NRDE2: variants seen among roughly 807,000 people sequenced by gnomAD.
NRDE2 encodes the protein NRDE-2, necessary for RNA interference, domain containing, also known as nuclear exosome regulator NRDE2.
Under a neutral mutation model 124.2 loss-of-function variants are expected in NRDE2, and 76 were observed. The observed-to-expected ratio is 0.61, with a 90% CI of 0.51 to 0.74. NRDE2 has a LOEUF of 0.74. NRDE2 is among the 30% of genes least tolerant of loss of function. The pLI is 0.00. For synonymous variants in NRDE2, 489 were observed against 528.1 expected (o/e 0.93, Z 1.01); for missense variants, 1,314 against 1,417.3 (o/e 0.93, Z 1.17).
In NRDE2 at chr14:90,321,146, T is replaced by G. The variant is rs115848925; in HGVS notation, c.65-3033A>C. 7.4e-3 allele frequency among the ~76,000 whole-genome samples: 1,132 copies of G among 152,290 alleles called. 17 individuals are homozygous for G. The highest frequency in any genetic ancestry group is 0.026 in the African/African-American group (1,065 of 41,558). On this transcript the variant is annotated intron_variant, in intron 1 of 13. Coordinates refer to ENST00000354366, the MANE Select transcript of NRDE2 (RefSeq NM_017970.4). ...ATTTCTATATAAATATTCTAGATAG[T>G]GATGACAGCTGGAAGAAAATGTAAA...
rs144111170 is a variant in NRDE2 at position 90,274,787 on chromosome 14, TACACACACACACACACACACACACACAC to T, written c.*3521_*3548del. 0.22 allele frequency: 24,409 copies of T among 110,958 alleles called. 2,131 individuals are homozygous for T. Among genetic ancestry groups the T allele is most frequent in the South Asian group, 0.27 (896 of 3,288 alleles). The allele number at this position is 110,958 out of a possible 1,614,324, so 6.9% of individuals were successfully genotyped here. On this transcript the variant is annotated 3_prime_UTR_variant, in exon 14 of 14. Transcript: ENST00000354366. ...CAGTATAGCCCTTTAAATAGGGAAC[TACACACACACACACACACACACACACAC>T]ACACACACACACACACACACACACC...
chr14:90,283,086 G>A lies in NRDE2; in HGVS notation c.3297+3268C>T, dbSNP rs547274017. On this transcript the variant is annotated intron_variant, in intron 12 of 13. Coordinates refer to ENST00000354366, the MANE Select transcript of NRDE2 (RefSeq NM_017970.4). ...AGCCTTAGCCTTCCCCCCGGCCTGC[G>A]AGGCTCCCTTCTCCCGCCTCTTCAG... 1.9e-4 allele frequency among the ~76,000 whole-genome samples: 29 copies of A among 152,216 alleles called. 1 individual carries two copies. The South Asian group carries it at 2.3e-3, about 12-fold the overall frequency.
intron 1 of NRDE2, among the ~76,000 whole-genome samples, chr14:90,328,962 T>A (rs1885561113): frequency 6.6e-6 from 1 of 152,214 alleles, no homozygotes; most frequent in Non-Finnish European, 1.5e-5. Flanking sequence ...TTTTGAAACA[T>A]CTCGTGAAAT....
chr14:90,268,106 C>A lies in NRDE2; in HGVS notation c.*10230G>T. On this transcript the variant is annotated 3_prime_UTR_variant, in exon 14 of 14. Transcript: ENST00000354366. ...CGTGACACTTGAATTGGTGCCATGC[C>A]TTAGCATGAGGGCCCGCCTGTTTTT... 2 of 761,068 alleles carry A rather than the reference C, an allele frequency of 2.6e-6. No individual in the cohort carries two copies. Among genetic ancestry groups the A allele is most frequent in the Non-Finnish European group, 4.1e-6 (2 of 487,916 alleles). The allele number at this position is 761,068 out of a possible 1,614,324, so 47.1% of individuals were successfully genotyped here. A position where few individuals can be genotyped will look rare whatever the true frequency, so the allele number is the denominator to read the frequency against.
In NRDE2 at chr14:90,278,162, A is replaced by G; in HGVS notation, c.*174T>C. ...TATGTAAATAACTTTTGTGTCATTT[A>G]CACACCCAAAAAGTGTGCAAGATGT... On this transcript the variant is annotated 3_prime_UTR_variant, in exon 14 of 14. Transcript: ENST00000354366. The G allele has an allele frequency of 1.5e-6, 1 of 655,750 alleles. No individual in the cohort carries two copies. The highest frequency in any genetic ancestry group is 2.6e-6 in the Non-Finnish European group (1 of 387,884). 40.6% of individuals were successfully genotyped at this position (655,750 alleles called of 1,614,324 possible).
Position 90,268,397 on chromosome 14 carries a change from G to T in NRDE2, c.*9939C>A, listed in dbSNP as rs148097391. Reference sequence around the variant, plus strand: ...CATCGTGTTTATTGATGAAATTGACGCCATTGGGACAAAAAGGTAGACTTT... The same window carrying T: ...CATCGTGTTTATTGATGAAATTGACTCCATTGGGACAAAAAGGTAGACTTT... On this transcript the variant is annotated 3_prime_UTR_variant, in exon 14 of 14. Transcript: ENST00000354366. The T allele has an allele frequency of 4.3e-6, 7 of 1,613,048 alleles. No individual in the cohort carries two copies. Among genetic ancestry groups the T allele is most frequent in the Non-Finnish European group, 5.9e-6 (7 of 1,179,720 alleles).
intron 7 of NRDE2, among the ~76,000 whole-genome samples, chr14:90,300,932 ACAGGCAGG>A (rs1177031981): frequency 1.6e-5 from 2 of 125,304 alleles, no homozygotes; most frequent in South Asian, 2.8e-4. Flanking sequence ...AAGGAGGAAC[ACAGGCAGG>A]CAGGCAGGCA....
In NRDE2 at chr14:90,288,923, A is replaced by G. The variant is rs1595058744; in HGVS notation, c.2452T>C (p.Ser818Pro). The G allele has an allele frequency of 6.2e-7, 1 of 1,613,236 alleles. No homozygotes were observed. Among genetic ancestry groups the G allele is most frequent in the Non-Finnish European group, 8.5e-7 (1 of 1,179,206 alleles). The change falls in exon 11 of 14, where the codon TCT becomes CCT. Residue 818 changes from serine (S) to proline (P), a missense_variant. Transcript: ENST00000354366. ...GMAGSRELKD[S>P]DLCELSLLYA... ...AGCAGACTGAGCTCACAGAGGTCAG[A>G]GTCTTTCAGTTCTCTGCTTCCTGCC...
chr14:90,309,472 C>CAAAA (rs746289824), intron 4 of NRDE2, among the ~76,000 whole-genome samples: 1 of 110,756 alleles, frequency 9.0e-6, no homozygotes, highest in Non-Finnish European at 1.8e-5. Flanking sequence ...GACTCTGTCT[C>CAAAA]AAAAAAAAAA....
At chr14:90,278,500 A>G (rs1185933558) in intron 13 of NRDE2, 39 bp from the exon 14 acceptor site, 1 of 1,609,894 alleles carries the variant, frequency 6.2e-7, no homozygotes, top group Admixed American at 1.7e-5. Context: ...CTCAGCCGCC[A>G]CTTCCTGTCA....
intron 8 of NRDE2, among the ~76,000 whole-genome samples, chr14:90,295,089 C>A (rs1884094882): frequency 6.6e-6 from 1 of 152,082 alleles, no homozygotes; most frequent in South Asian, 2.1e-4. Flanking sequence ...ACACACACAC[C>A]AATGAGTGCA....
chr14:90,326,868 A>C (rs1055503648), intron 1 of NRDE2, among the ~76,000 whole-genome samples: 1 of 152,200 alleles, frequency 6.6e-6, no homozygotes, highest in African/African-American at 2.4e-5. Flanking sequence ...CATGTCCTTA[A>C]AACAAATAGA....
chr14:90,308,319 C>T (rs1277319862), intron 4 of NRDE2, among the ~76,000 whole-genome samples: 1 of 152,206 alleles, frequency 6.6e-6, no homozygotes, highest in African/African-American at 2.4e-5. Flanking sequence ...AACCTAACCC[C>T]TGCCTACCAC....
At chr14:90,279,034 T>C (rs749337326) in intron 13 of NRDE2, 28 bp downstream of exon 13, 18 of 1,552,288 alleles carry the variant, frequency 1.2e-5, no homozygotes, top group Non-Finnish European at 1.6e-5. Flanking sequence ...TTCGGGAAGC[T>C]GAAGACACCA....
intron 1 of NRDE2, among the ~76,000 whole-genome samples, chr14:90,328,075 G>C (rs908958247): frequency 6.6e-6 from 1 of 151,672 alleles, no homozygotes; most frequent in African/African-American, 2.4e-5. Context: ...CCCGGGAGGC[G>C]GAGCTTGCAG....
intron 8 of NRDE2, among the ~76,000 whole-genome samples, chr14:90,297,094 G>A (rs965390146): frequency 5.4e-5 from 8 of 147,698 alleles, no homozygotes; most frequent in East Asian, 2.0e-4. Flanking sequence ...AGCCAAGATC[G>A]AGCCACTACA....
intron 1 of NRDE2, among the ~76,000 whole-genome samples, chr14:90,323,309 A>G (rs77339761): frequency 6.6e-6 from 1 of 152,342 alleles, no homozygotes; most frequent in Non-Finnish European, 1.5e-5. Flanking sequence ...CTTTAATTTA[A>G]TTCTATTACA....
chr14:90,282,809 A>G (rs879488893), intron 12 of NRDE2, among the ~76,000 whole-genome samples: 18 of 152,232 alleles, frequency 1.2e-4, no homozygotes, highest in Admixed American at 8.5e-4. Context: ...CTGGGATTAC[A>G]GACATGTGCC....
At position 90,278,447 on chromosome 14, in the gene NRDE2, G is replaced by A. The variant is rs771452952; in HGVS notation, c.3384C>T (p.Asp1128=). 197 of 1,613,906 alleles carry A rather than the reference G, an allele frequency of 1.2e-4. No individual in the cohort carries two copies. The highest frequency in any genetic ancestry group is 5.1e-4 in the East Asian group (23 of 44,876). Reference sequence around the variant, plus strand: ...TCTCATCGGGGAAATACTCCACGGCGTCCAGGTACAACACCTAGGGGGCAG... The same window carrying A: ...TCTCATCGGGGAAATACTCCACGGCATCCAGGTACAACACCTAGGGGGCAG... ...NCPWAKVLYL[D]AVEYFPDEMQ... is the part of the protein sequence containing the mutation. The change falls in exon 14 of 14, where the codon GAC becomes GAT. Residue 1128 remains aspartate (D), a synonymous_variant. Transcript: ENST00000354366.
Sources: gnomAD v4.1 joint callset for allele counts (sites outside exome capture counted in the v4.1 genomes callset) on GRCh38, gnomAD v4.1.1 for gene constraint, MANE v1.5 for transcripts, NCBI Gene and HGNC (gene_info 2026-07-23, HGNC 2026-07-21) for gene names.